Variants in VWC2L observed in about 807,000 individuals in gnomAD.
The protein encoded by VWC2L is von Willebrand factor C domain-containing protein 2-like.
In VWC2L, 10 loss-of-function variants were observed where a neutral mutation model predicts 21.6. That is an observed-to-expected ratio of 0.46 (90% CI 0.29 to 0.78). The LOEUF is 0.78. Ranked by LOEUF, VWC2L falls within the 30% of genes least tolerant of loss-of-function variation. VWC2L has a pLI of 0.10. For synonymous variants in VWC2L, 96 were observed against 94.3 expected (o/e 1.02, Z -0.10); for missense variants, 209 against 277.1 (o/e 0.75, Z 1.74).
intron 3 of VWC2L, among the ~76,000 whole-genome samples, chr2:214,498,531 A>G (rs1340132663): frequency 6.6e-6 from 1 of 151,966 alleles, no homozygotes; most frequent in African/African-American, 2.4e-5. Context: ...ATACAGAAAA[A>G]GTTTATGATT....
At chr2:214,422,653 A>C (rs936083372) in intron 2 of VWC2L, among the ~76,000 whole-genome samples, 2 of 152,214 alleles carry the variant, frequency 1.3e-5, no homozygotes, top group African/African-American at 4.8e-5. Context: ...TTTTATCATC[A>C]CTACTGATTA....
rs547375081 is a variant in VWC2L at position 214,476,890 on chromosome 2, A to G, written c.520+40132A>G. 3.9e-5 allele frequency among the ~76,000 whole-genome samples: 6 copies of G among 152,228 alleles called. No individual in the cohort carries two copies. In the South Asian group the frequency reaches 1.0e-3, roughly 26 times the overall value. ...TGAACTTCAAACATTTATTTTGCCA[A>G]TTTGCGGTGTAGCTGATGCTGAGGT... is the stretch of plus-strand genomic sequence containing the variant. On this transcript the variant is annotated intron_variant, in intron 3 of 3. Coordinates refer to ENST00000312504, the MANE Select transcript of VWC2L (RefSeq NM_001080500.4).
chr2:214,498,170 CCACCTTTG>C (rs1688837850), intron 3 of VWC2L, among the ~76,000 whole-genome samples: 1 of 152,100 alleles, frequency 6.6e-6, no homozygotes, highest in African/African-American at 2.4e-5. Context: ...ATCACTCCAC[CCACCTTTG>C]CATGGCACTA....
At chr2:214,558,354 C>T (rs992749357) in intron 3 of VWC2L, among the ~76,000 whole-genome samples, 2 of 152,104 alleles carry the variant, frequency 1.3e-5, no homozygotes, top group African/African-American at 4.8e-5. Flanking sequence ...CCTCTCTATG[C>T]CCAACTCAGT....
chr2:214,508,215 T>C (rs1688997620), intron 3 of VWC2L, among the ~76,000 whole-genome samples: 1 of 152,168 alleles, frequency 6.6e-6, no homozygotes. Context: ...GACTTCGTGA[T>C]CCGCTGCCTC....
chr2:214,466,272 AT>A (rs932055532), intron 3 of VWC2L, among the ~76,000 whole-genome samples: 117 of 150,920 alleles, frequency 7.8e-4, no homozygotes, highest in African/African-American at 2.8e-3. Flanking sequence ...CTGGGTTGAC[AT>A]TTTTTTTTCT....
intron 2 of VWC2L, among the ~76,000 whole-genome samples, chr2:214,430,143 GA>G (rs59486876): frequency 0.18 from 26,097 of 146,498 alleles, 2,346 homozygotes; most frequent in East Asian, 0.25. Flanking sequence ...ATAATTTTAG[GA>G]AAAAAAAAAA....
At chr2:214,469,337 C>T (rs999961497) in intron 3 of VWC2L, among the ~76,000 whole-genome samples, 4 of 152,328 alleles carry the variant, frequency 2.6e-5, no homozygotes, top group Admixed American at 1.3e-4. Context: ...CAGTGGCTCA[C>T]GCCTGTAATC....
intron 3 of VWC2L, among the ~76,000 whole-genome samples, chr2:214,502,782 C>A (rs559085226): frequency 1.3e-5 from 2 of 152,240 alleles, no homozygotes; most frequent in East Asian, 3.9e-4. Context: ...GTCATTCCTG[C>A]TTCATATAAT....
Position 214,575,942 on chromosome 2 carries a change from C to CT in VWC2L, c.*125dup. 8.6e-7 allele frequency: 1 copy of CT among 1,165,080 alleles called. No homozygotes were observed. The highest frequency in any genetic ancestry group is 1.8e-5 in the South Asian group (1 of 54,284). The allele number at this position is 1,165,080 out of a possible 1,614,324, so 72.2% of individuals were successfully genotyped here. On this transcript the variant is annotated 3_prime_UTR_variant, in exon 4 of 4. Transcript: ENST00000312504. ...AGCTACAACAGGGTCACCAGCAAAA[C>CT]TTTCTAGGGTTGACAAAAGTGAATA... is the stretch of plus-strand genomic sequence containing the variant.
intron 3 of VWC2L, among the ~76,000 whole-genome samples, chr2:214,514,447 GT>G (rs1689108472): frequency 6.6e-6 from 1 of 151,082 alleles, no homozygotes; most frequent in African/African-American, 2.5e-5. Context: ...TTTAGTCTCT[GT>G]CTAGATATGG....
chr2:214,473,789 A>G (rs1479508794), intron 3 of VWC2L: 2 of 151,922 alleles, frequency 1.3e-5, no homozygotes, highest in Non-Finnish European at 2.9e-5. Flanking sequence ...AAAAAAAAAA[A>G]AGACACTCTA....
chr2:214,488,963 A>T (rs1323221956), intron 3 of VWC2L, among the ~76,000 whole-genome samples: 1 of 152,196 alleles, frequency 6.6e-6, no homozygotes, highest in Non-Finnish European at 1.5e-5. Context: ...AACACCTCCC[A>T]TTAGGTTCTA....
At chr2:214,552,210 C>T (rs190359790) in intron 3 of VWC2L, among the ~76,000 whole-genome samples, 178 of 152,256 alleles carry the variant, frequency 1.2e-3, no homozygotes, top group Non-Finnish European at 1.9e-3. Context: ...CTGGCTTTTT[C>T]CTTTCAGCAT....
At chr2:214,462,709 G>T (rs1171723955) in intron 3 of VWC2L, among the ~76,000 whole-genome samples, 1 of 151,840 alleles carries the variant, frequency 6.6e-6, no homozygotes, top group Non-Finnish European at 1.5e-5. Flanking sequence ...TCTTCTTTTT[G>T]CAGTTTCTTA....
chr2:214,468,040 CAG>C (rs1415015762), intron 3 of VWC2L, among the ~76,000 whole-genome samples: 1 of 151,406 alleles, frequency 6.6e-6, no homozygotes, highest in East Asian at 1.9e-4. Context: ...TTTTTTGAGA[CAG>C]AGTCTCACTC....
At chr2:214,539,947 CA>C (rs1251747455) in intron 3 of VWC2L, among the ~76,000 whole-genome samples, 1 of 151,956 alleles carries the variant, frequency 6.6e-6, no homozygotes, top group African/African-American at 2.4e-5. Context: ...TGGTAAAAAT[CA>C]CAGAAAACTT....
intron 2 of VWC2L, among the ~76,000 whole-genome samples, chr2:214,416,605 C>T (rs565445644): frequency 3.9e-4 from 59 of 152,152 alleles, no homozygotes; most frequent in Non-Finnish European, 6.2e-4. Flanking sequence ...AGTTATTTAT[C>T]TTAATTCTAA....
chr2:214,551,548 T>C (rs1689794965), intron 3 of VWC2L, among the ~76,000 whole-genome samples: 1 of 152,234 alleles, frequency 6.6e-6, no homozygotes, highest in South Asian at 2.1e-4. Context: ...CCACTGTTGC[T>C]GGCAGTGTAA....
Sources: allele counts gnomAD v4.1 joint callset (sites outside exome capture counted in the v4.1 genomes callset), GRCh38; gene constraint gnomAD v4.1.1; transcripts MANE v1.5; gene names NCBI Gene and HGNC (gene_info 2026-07-23, HGNC 2026-07-21).